Variants in RNF180 observed in about 807,000 individuals in gnomAD.
The protein encoded by RNF180 is E3 ubiquitin-protein ligase RNF180.
RNF180 carries 38 observed loss-of-function variants against 59.2 expected under a neutral mutation model. The observed-to-expected ratio is 0.64, with a 90% confidence interval of 0.50 to 0.84. The LOEUF (loss-of-function observed/expected upper bound fraction) is 0.84, where lower values mean the gene tolerates loss of function less well. Ranked by LOEUF, RNF180 falls within the 40% of genes least tolerant of loss-of-function variation. The probability of loss-of-function intolerance (pLI) is 0.00; values close to 1 mark genes in which losing one functional copy is unlikely to be tolerated. For missense variants in RNF180, 705 were observed against 700.9 expected, an observed-to-expected ratio of 1.01 and a Z score of -0.07; for synonymous variants, 262 against 240.3, an observed-to-expected ratio of 1.09 and a Z score of -0.84.
chr5:64,294,249 A>C (rs148142620), intron 5 of RNF180, among the ~76,000 whole-genome samples: 52 of 152,320 alleles, frequency 3.4e-4, no homozygotes, highest in African/African-American at 7.9e-4. Flanking sequence ...TTGTAACTCA[A>C]ACTTTGCAAA....
At chr5:64,272,146 C>G (rs1741446146) in intron 5 of RNF180, among the ~76,000 whole-genome samples, 1 of 151,994 alleles carries the variant, frequency 6.6e-6, no homozygotes. Flanking sequence ...TAATCAAGCC[C>G]TCTTTCACAA....
At chr5:64,201,796 G>A (rs1315852378) in intron 2 of RNF180, among the ~76,000 whole-genome samples, 3 of 152,134 alleles carry the variant, frequency 2.0e-5, no homozygotes, top group Non-Finnish European at 4.4e-5. Flanking sequence ...CTGGAGTGCA[G>A]TGGCGTGATC....
At chr5:64,193,527 G>A (rs1382096499) in intron 1 of RNF180, among the ~76,000 whole-genome samples, 5 of 152,080 alleles carry the variant, frequency 3.3e-5, no homozygotes, top group African/African-American at 1.2e-4. Context: ...TCTGTTTTGA[G>A]AGGTTCTCAG....
At chr5:64,283,747 C>T (rs1222872741) in intron 5 of RNF180, among the ~76,000 whole-genome samples, 5 of 152,198 alleles carry the variant, frequency 3.3e-5, no homozygotes, top group Non-Finnish European at 5.9e-5. Flanking sequence ...TTTCTGAGGC[C>T]TCCCCAACCA....
chr5:64,355,283 A>G (rs1465086865), intron 7 of RNF180, among the ~76,000 whole-genome samples: 1 of 151,924 alleles, frequency 6.6e-6, no homozygotes, highest in East Asian at 1.9e-4. Flanking sequence ...GGAATGAACA[A>G]TCCAGAAAGG....
intron 7 of RNF180, among the ~76,000 whole-genome samples, chr5:64,360,448 A>G (rs577722794): frequency 1.3e-5 from 2 of 151,862 alleles, no homozygotes; most frequent in South Asian, 4.1e-4. Flanking sequence ...CACAGCCAAT[A>G]TCATACTGAA....
At chr5:64,233,455 T>C (rs1742217839) in intron 5 of RNF180, among the ~76,000 whole-genome samples, 1 of 152,208 alleles carries the variant, frequency 6.6e-6, no homozygotes, top group African/African-American at 2.4e-5. Flanking sequence ...AACGAGAAAT[T>C]AATTACCATT....
In RNF180 at chr5:64,302,303, A is replaced by C. The variant is rs1048217414; in HGVS notation, c.1228-22883A>C. On this transcript the variant is annotated intron_variant, in intron 5 of 7. Coordinates refer to ENST00000389100, the MANE Select transcript of RNF180 (RefSeq NM_001113561.2). ...TCCCACTGATATATGTTGTGAAGGA[A>C]TCCTACATTGTGGTAGGGATATTTA... Among the ~76,000 whole-genome samples the C allele has an allele frequency of 6.6e-5, 10 of 151,758 alleles. No homozygotes were observed. In the East Asian group the frequency reaches 1.9e-3, roughly 29 times the overall value.
chr5:64,227,368 C>T lies in RNF180; in HGVS notation c.1227+9972C>T, dbSNP rs527702303. ...CAACCCAACAGAAGGCTGTGGGTAC[C>T]GGGCACCAGCCTGTGGGGGGTCTGA... On this transcript the variant is annotated intron_variant, in intron 5 of 7. Coordinates refer to ENST00000389100, the MANE Select transcript of RNF180 (RefSeq NM_001113561.2). Among the ~76,000 whole-genome samples, 259 of 152,292 alleles carry T rather than the reference C, an allele frequency of 1.7e-3. 1 individual carries two copies. The highest frequency in any genetic ancestry group is 5.7e-3 in the African/African-American group (237 of 41,566).
At chr5:64,330,454 G>A (rs567182439) in intron 7 of RNF180, 48 bp downstream of exon 7, 2 of 1,502,996 alleles carry the variant, frequency 1.3e-6, no homozygotes, top group African/African-American at 1.4e-5. Flanking sequence ...TTTGTCTAAG[G>A]TCTGTTCTTA....
chr5:64,203,738 T>C (rs971241716), intron 2 of RNF180, among the ~76,000 whole-genome samples: 2 of 152,126 alleles, frequency 1.3e-5, no homozygotes, highest in African/African-American at 4.8e-5. Context: ...AGGAGTAATA[T>C]GAAGCAGTGA....
At position 64,369,662 on chromosome 5, in the gene RNF180, G is replaced by A. The variant is rs1221994156; in HGVS notation, c.1627G>A (p.Gly543Ser). The A allele has an allele frequency of 5.9e-6, 9 of 1,537,382 alleles. No individual in the cohort carries two copies. Among genetic ancestry groups the A allele is most frequent in the African/African-American group, 1.4e-5 (1 of 72,224 alleles). ...APVTRRQFPH[G>S]AHRMDYLHFE... ...AGTTACAAGAAGGCAGTTCCCACAC[G>A]GTGCACACAGGATGGATTACCTGCA... is the stretch of plus-strand genomic sequence containing the variant. The change falls in exon 8 of 8, where the codon GGT becomes AGT. Residue 543 changes from glycine to serine, a missense_variant. Coordinates refer to ENST00000389100, the MANE Select transcript of RNF180 (RefSeq NM_001113561.2).
intron 5 of RNF180, among the ~76,000 whole-genome samples, chr5:64,252,602 CAT>C (rs1490842604): frequency 6.6e-6 from 1 of 152,034 alleles, no homozygotes; most frequent in Admixed American, 6.6e-5. Flanking sequence ...TGGCAGGTCT[CAT>C]AGAAATGCCA....
intron 1 of RNF180, among the ~76,000 whole-genome samples, chr5:64,188,836 T>TA (rs1416949084): frequency 6.6e-6 from 1 of 152,130 alleles, no homozygotes; most frequent in African/African-American, 2.4e-5. Flanking sequence ...TAGGTACTGT[T>TA]ATGGACTGAA....
intron 1 of RNF180, among the ~76,000 whole-genome samples, chr5:64,191,972 G>T (rs1363217456): frequency 6.6e-6 from 1 of 152,012 alleles, no homozygotes; most frequent in Admixed American, 6.6e-5. Context: ...TTTGCATATG[G>T]TGTAAGATAG....
chr5:64,252,932 GCA>G (rs1221760886), intron 5 of RNF180, among the ~76,000 whole-genome samples: 1 of 151,670 alleles, frequency 6.6e-6, no homozygotes, highest in South Asian at 2.1e-4. Context: ...CCCCGCCCCA[GCA>G]CACACACACC....
At chr5:64,328,858 T>C (rs1175585989) in intron 6 of RNF180, among the ~76,000 whole-genome samples, 11 of 152,292 alleles carry the variant, frequency 7.2e-5, no homozygotes, top group African/African-American at 2.2e-4. Flanking sequence ...CAGGTGATCA[T>C]TGCGGGATGA....
intron 1 of RNF180, among the ~76,000 whole-genome samples, chr5:64,181,678 C>T (rs1750591166): frequency 6.6e-6 from 1 of 152,106 alleles, no homozygotes; most frequent in African/African-American, 2.4e-5. Context: ...CTGTTTGACA[C>T]CAAAGTCTGG....
At chr5:64,248,286 T>C (rs1743319989) in intron 5 of RNF180, among the ~76,000 whole-genome samples, 1 of 152,028 alleles carries the variant, frequency 6.6e-6, no homozygotes, top group South Asian at 2.1e-4. Context: ...GAGCTTCTGC[T>C]CAGCAAAGGA....
Sources: gnomAD v4.1 joint callset for allele counts (sites outside exome capture counted in the v4.1 genomes callset) on GRCh38, gnomAD v4.1.1 for gene constraint, MANE v1.5 for transcripts, NCBI Gene and HGNC (gene_info 2026-07-23, HGNC 2026-07-21) for gene names.